Variants in DCC observed in about 807,000 individuals in gnomAD.
DCC encodes the protein netrin receptor DCC.
DCC carries 58 observed loss-of-function variants against 172.5 expected under a neutral mutation model. The ratio of observed to expected loss-of-function variants is 0.34; its 90% confidence interval spans 0.27 to 0.42. The LOEUF is 0.42. Among genes scored for constraint, DCC ranks in the 10% least tolerant of loss-of-function variants. DCC has a pLI of 1.00. For missense variants in DCC, 1,740 were observed against 1,791.0 expected (o/e 0.97, Z 0.51); for synonymous variants, 709 against 644.5 (o/e 1.10, Z -1.52).
At chr18:53,359,324 C>G (rs1038804463) in intron 15 of DCC, among the ~76,000 whole-genome samples, 1 of 152,120 alleles carries the variant, frequency 6.6e-6, no homozygotes, top group African/African-American at 2.4e-5. Flanking sequence ...TGGGGACTTG[C>G]GTGCAAGTCA....
rs756873313 is a variant in DCC at position 52,923,812 on chromosome 18, C to T, written c.803C>T (p.Pro268Leu). The change falls in exon 4 of 29, where the codon CCA becomes CTA. Residue 268 changes from proline (P) to leucine (L), a missense_variant. Pro to Leu is a moderately conservative substitution (Grantham distance 98, BLOSUM62 -3). Coordinates refer to ENST00000442544, the MANE Select transcript of DCC (RefSeq NM_005215.4). Reference sequence around the variant, plus strand: ...GAATGTTGTGTTTCTGGCTATCCTCCACCAAGTTTTACCTGGTTACGAGGC... The same window carrying T: ...GAATGTTGTGTTTCTGGCTATCCTCTACCAAGTTTTACCTGGTTACGAGGC... Reference protein sequence around the residue: ...VLECCVSGYPPPSFTWLRGEE... With the variant: ...VLECCVSGYPLPSFTWLRGEE... The T allele has an allele frequency of 6.2e-7, 1 of 1,613,378 alleles. No homozygotes were observed. The highest frequency in any genetic ancestry group is 1.1e-5 in the South Asian group (1 of 91,068).
intron 2 of DCC, among the ~76,000 whole-genome samples, chr18:52,841,574 A>C (rs2038807979): frequency 6.6e-6 from 1 of 152,174 alleles, no homozygotes; most frequent in East Asian, 1.9e-4. Flanking sequence ...GTACCAGTAC[A>C]TGTAGTGAGA....
intron 21 of DCC, among the ~76,000 whole-genome samples, chr18:53,427,660 A>T (rs35352542): frequency 0.43 from 64,686 of 149,874 alleles, 15,751 homozygotes; most frequent in Non-Finnish European, 0.56. Flanking sequence ...TTTCCTGTTA[A>T]CAAAAGATCT....
At chr18:53,044,183 A>C (rs1435451420) in intron 5 of DCC, among the ~76,000 whole-genome samples, 1 of 151,910 alleles carries the variant, frequency 6.6e-6, no homozygotes, top group Non-Finnish European at 1.5e-5. Context: ...AAAACATGAA[A>C]GAAGAGAATT....
At chr18:53,417,797 T>C (rs1910406588) in intron 21 of DCC, among the ~76,000 whole-genome samples, 1 of 152,180 alleles carries the variant, frequency 6.6e-6, no homozygotes. Flanking sequence ...ACTATTATAT[T>C]GTTTTTTCTT....
At chr18:52,989,385 T>C (rs2041346046) in intron 5 of DCC, among the ~76,000 whole-genome samples, 1 of 152,084 alleles carries the variant, frequency 6.6e-6, no homozygotes, top group Admixed American at 6.6e-5. Context: ...TAGCCGGGCA[T>C]GGTAGCAGGT....
intron 5 of DCC, among the ~76,000 whole-genome samples, chr18:52,981,309 A>G (rs759802939): frequency 5.3e-5 from 8 of 152,168 alleles, no homozygotes; most frequent in Non-Finnish European, 7.4e-5. Flanking sequence ...TTTAACCAAC[A>G]CTAGAACTTT....
At chr18:53,498,172 C>A (rs2046048680) in intron 26 of DCC, among the ~76,000 whole-genome samples, 1 of 152,162 alleles carries the variant, frequency 6.6e-6, no homozygotes. Flanking sequence ...TCTTTTGTAT[C>A]TTAAATCTCT....
In DCC at chr18:52,447,329, T is replaced by C. The variant is rs77239386; in HGVS notation, c.91+106451T>C. On this transcript the variant is annotated intron_variant, in intron 1 of 28. Transcript: ENST00000442544. ...GGTGTAAGATAGCTTTTGCCTTCAA[T>C]AAATCATCATAGTTGGGAAGACTGG... Among the ~76,000 whole-genome samples the C allele has an allele frequency of 4.4e-3, 675 of 152,350 alleles. 3 individuals carry two copies. Among genetic ancestry groups the C allele is most frequent in the East Asian group, 0.04 (207 of 5,178 alleles).
chr18:53,178,304 C>T (rs1215599453), intron 8 of DCC, among the ~76,000 whole-genome samples: 1 of 152,188 alleles, frequency 6.6e-6, no homozygotes, highest in African/African-American at 2.4e-5. Context: ...GTTTGCAACA[C>T]TGAGGAAGTT....
chr18:52,630,447 AT>A (rs759533978), intron 1 of DCC, among the ~76,000 whole-genome samples: 10 of 152,192 alleles, frequency 6.6e-5, no homozygotes, highest in Non-Finnish European at 1.3e-4. Flanking sequence ...CTGTTTCCTT[AT>A]TCGTAAGTAG....
chr18:53,116,206 A>G (rs2043406582), intron 7 of DCC, among the ~76,000 whole-genome samples: 1 of 151,714 alleles, frequency 6.6e-6, no homozygotes, highest in African/African-American at 2.4e-5. Context: ...AAAGCAAGAA[A>G]GGCACAAAGG....
intron 25 of DCC, among the ~76,000 whole-genome samples, chr18:53,472,506 T>C (rs2045709736): frequency 6.6e-6 from 1 of 152,216 alleles, no homozygotes; most frequent in Non-Finnish European, 1.5e-5. Flanking sequence ...AATCATTTAT[T>C]GCTTTCTTCT....
At chr18:52,449,129 A>G (rs1314895793) in intron 1 of DCC, among the ~76,000 whole-genome samples, 1 of 152,246 alleles carries the variant, frequency 6.6e-6, no homozygotes, top group Non-Finnish European at 1.5e-5. Flanking sequence ...AGCTTGTGTC[A>G]GGAAAACTCC....
Position 53,533,112 on chromosome 18 carries a change from A to ATGT in DCC, c.*2460_*2462dup, listed in dbSNP as rs757999961. 14 of 152,312 alleles carry ATGT rather than the reference A, an allele frequency of 9.2e-5. No individual in the cohort carries two copies. Among genetic ancestry groups the ATGT allele is most frequent in the Admixed American group, 4.6e-4 (7 of 15,294 alleles). The allele number at this position is 152,312 out of a possible 1,614,324, so 9.4% of individuals were successfully genotyped here. ...TACCTGGTAGTATTAATATACAATG[A>ATGT]TGTCACCACAACTTTTGTATAACTC... is the stretch of plus-strand genomic sequence containing the variant. On this transcript the variant is annotated 3_prime_UTR_variant, in exon 29 of 29. Transcript: ENST00000442544.
At chr18:52,758,060 A>T (rs2037103522) in intron 2 of DCC, among the ~76,000 whole-genome samples, 2 of 152,294 alleles carry the variant, frequency 1.3e-5, no homozygotes, top group South Asian at 4.2e-4. Flanking sequence ...TAATAATGAA[A>T]ATCGATTTAT....
intron 25 of DCC, among the ~76,000 whole-genome samples, chr18:53,469,096 C>G (rs778449049): frequency 1.3e-4 from 20 of 152,182 alleles, no homozygotes; most frequent in Non-Finnish European, 1.9e-4. Context: ...ACCAGGACCT[C>G]CAATCCATTA....
Position 53,141,895 on chromosome 18 carries a change from T to C in DCC, c.1262-15461T>C, listed in dbSNP as rs552021103. Among the ~76,000 whole-genome samples, 21 of 152,280 alleles carry C rather than the reference T, an allele frequency of 1.4e-4. No individual in the cohort carries two copies. In the South Asian group the frequency reaches 3.5e-3, roughly 26 times the overall value. ...GACCAGTCTTTCTCAGGGAAGTACATTGAACACCAAGCTACCTGTGGTATG... is the reference window on the plus strand; with the variant it reads ...GACCAGTCTTTCTCAGGGAAGTACACTGAACACCAAGCTACCTGTGGTATG... On this transcript the variant is annotated intron_variant, in intron 7 of 28. Coordinates refer to ENST00000442544, the MANE Select transcript of DCC (RefSeq NM_005215.4).
intron 23 of DCC, among the ~76,000 whole-genome samples, chr18:53,453,255 C>T (rs1001575337): frequency 5.3e-5 from 8 of 152,056 alleles, no homozygotes; most frequent in African/African-American, 7.2e-5. Flanking sequence ...CATTGAGGAC[C>T]GCTACTCCTC....
Sources: allele counts gnomAD v4.1 joint callset (sites outside exome capture counted in the v4.1 genomes callset), GRCh38; gene constraint gnomAD v4.1.1; transcripts MANE v1.5; gene names NCBI Gene and HGNC (gene_info 2026-07-23, HGNC 2026-07-21).